Variants in DNAJC21 observed in about 807,000 individuals in gnomAD.
DNAJC21 encodes the protein DnaJ heat shock protein family (Hsp40) member C21, also known as dnaJ homolog subfamily C member 21.
In DNAJC21, 63 loss-of-function variants were observed where a neutral mutation model predicts 72.4. That is an observed-to-expected ratio of 0.87 (90% CI 0.71 to 1.07). The LOEUF is 1.07. Among genes scored for constraint, DNAJC21 ranks in the 50% least tolerant of loss-of-function variants. The pLI, the probability that DNAJC21 is intolerant of heterozygous loss-of-function variation, is 0.00. For missense variants in DNAJC21, 634 were observed against 644.8 expected, an observed-to-expected ratio of 0.98 and a Z score of 0.18; for synonymous variants, 203 against 216.7, an observed-to-expected ratio of 0.94 and a Z score of 0.56.
intron 5 of DNAJC21, 98 bp downstream of exon 5, chr5:34,937,728 C>G: frequency 7.1e-7 from 1 of 1,400,100 alleles, no homozygotes; most frequent in South Asian, 1.4e-5. Flanking sequence ...AGTCATCAGC[C>G]TGGCTTTATC....
At chr5:34,952,730 T>C (rs989585733) in intron 10 of DNAJC21, 1 of 152,138 alleles carries the variant, frequency 6.6e-6, no homozygotes, top group Non-Finnish European at 1.5e-5. Flanking sequence ...GGACATAATT[T>C]TTAAATAAAA....
chr5:34,941,073 T>C (rs187196588), intron 6 of DNAJC21, 23 bp from the exon 7 acceptor site: 536 of 1,601,798 alleles, frequency 3.3e-4, no homozygotes, highest in Admixed American at 5.5e-4. Flanking sequence ...AGAGGGTTCT[T>C]ACTGTAGGCT....
At chr5:34,945,478 G>A (rs574040370) in intron 8 of DNAJC21, among the ~76,000 whole-genome samples, 5 of 152,242 alleles carry the variant, frequency 3.3e-5, no homozygotes, top group East Asian at 3.9e-4. Context: ...GGATACAGAC[G>A]TCAACTATAA....
chr5:34,942,358 T>C (rs1319605355), intron 7 of DNAJC21, among the ~76,000 whole-genome samples: 2 of 151,438 alleles, frequency 1.3e-5, no homozygotes, highest in African/African-American at 4.9e-5. Context: ...CGGGAGAAAA[T>C]GGGAGTAGAA....
At position 34,929,559 on chromosome 5, in the gene DNAJC21, A is replaced by C. The variant is rs976239743; in HGVS notation, c.-261A>C. 1 of 131,992 alleles carries C rather than the reference A, an allele frequency of 7.6e-6. No individual in the cohort carries two copies. The highest frequency in any genetic ancestry group is 3.0e-5 in the African/African-American group (1 of 33,736). 8.2% of individuals were successfully genotyped at this position (131,992 alleles called of 1,614,324 possible). On this transcript the variant is annotated 5_prime_UTR_variant, in exon 1 of 12. The change abolishes an upstream ATG in the 5' untranslated region. Coordinates refer to ENST00000648817, the MANE Select transcript of DNAJC21 (RefSeq NM_001012339.3). ...CCGGCACAGAGCCCACCCCTAGCCC[A>C]TGCGAAGCGGCGGCCGCCGGCACCG...
intron 3 of DNAJC21, 81 bp from the exon 4 acceptor site, chr5:34,936,063 T>A: frequency 6.5e-7 from 1 of 1,539,418 alleles, no homozygotes; most frequent in Non-Finnish European, 8.7e-7. Context: ...ACATTAAAAT[T>A]TTTCATTTTG....
In DNAJC21 at chr5:34,939,007, A is replaced by G. The variant is rs1405244273; in HGVS notation, c.893A>G (p.Asp298Gly). ...GAACATGAACTCAAAGATGAGGAGG[A>G]TGGTAATATTATTTTTATTTTATTT... ...MEEHELKDEEDGKDSDEAEDA... is the reference protein window; with the variant it reads ...MEEHELKDEEGGKDSDEAEDA... Residue 298 changes from aspartate (D) to glycine (G), a missense_variant and splice_region_variant, in exon 6 of 12, where the codon GAT becomes GGT. By Grantham distance (94) the Asp-to-Gly change is moderately conservative. Transcript: ENST00000648817. 6.4e-7 allele frequency: 1 copy of G among 1,573,380 alleles called. No homozygotes were observed. Among genetic ancestry groups the G allele is most frequent in the African/African-American group, 1.4e-5 (1 of 72,880 alleles).
At chr5:34,947,328 G>A (rs975383749) in intron 9 of DNAJC21, among the ~76,000 whole-genome samples, 1 of 152,152 alleles carries the variant, frequency 6.6e-6, no homozygotes, top group Non-Finnish European at 1.5e-5. Context: ...AAAAAAGTAA[G>A]TCCTGAATTT....
chr5:34,940,280 C>G (rs1387930305), intron 6 of DNAJC21, among the ~76,000 whole-genome samples: 2 of 152,124 alleles, frequency 1.3e-5, no homozygotes, highest in Non-Finnish European at 2.9e-5. Flanking sequence ...TATTGAAAGT[C>G]TACAATACCA....
intron 11 of DNAJC21, 58 bp downstream of exon 11, chr5:34,954,059 T>C (rs1181022077): frequency 6.1e-6 from 9 of 1,472,132 alleles, no homozygotes; most frequent in African/African-American, 1.4e-5. Flanking sequence ...AGCAGTATAA[T>C]GATCTAAAGA....
At chr5:34,936,294 T>C (rs762887967) in intron 4 of DNAJC21, 28 bp downstream of exon 4, 5 of 1,598,854 alleles carry the variant, frequency 3.1e-6, no homozygotes, top group Non-Finnish European at 4.3e-6. Flanking sequence ...TGTTCTATAA[T>C]TAGTATTTAT....
chr5:34,941,268 A>T, intron 7 of DNAJC21, 85 bp downstream of exon 7: 1 of 1,227,526 alleles, frequency 8.1e-7, no homozygotes, highest in Non-Finnish European at 1.2e-6. Context: ...CACAGTCATG[A>T]CTCACCACAG....
intron 10 of DNAJC21, chr5:34,952,129 G>A: frequency 1.1e-6 from 1 of 908,384 alleles, no homozygotes; most frequent in African/African-American, 1.8e-5. Flanking sequence ...AAAAATGTGT[G>A]TGTGTGTGTG....
At chr5:34,948,122 A>G (rs1384378214) in intron 9 of DNAJC21, among the ~76,000 whole-genome samples, 1 of 152,204 alleles carries the variant, frequency 6.6e-6, no homozygotes, top group East Asian at 1.9e-4. Context: ...AAATACAAAT[A>G]TAAATTGAGG....
intron 10 of DNAJC21, chr5:34,951,613 C>A: frequency 1.1e-6 from 1 of 950,962 alleles, no homozygotes; most frequent in Non-Finnish European, 1.3e-6. Flanking sequence ...CTGCAACCTC[C>A]GCCTCCTGGG....
chr5:34,932,714 G>T (rs1228897491), intron 1 of DNAJC21, among the ~76,000 whole-genome samples: 1 of 152,198 alleles, frequency 6.6e-6, no homozygotes, highest in Non-Finnish European at 1.5e-5. Context: ...TGTGGTTGTG[G>T]CAGGCCTCAG....
At chr5:34,930,109 C>T (rs374117857) in intron 1 of DNAJC21, 193 bp downstream of exon 1, 145 of 414,556 alleles carry the variant, frequency 3.5e-4, no homozygotes, top group South Asian at 1.1e-3. Context: ...CCTGGCGCAC[C>T]CCGGCTCACA....
In DNAJC21 at chr5:34,954,548, C is replaced by T. The variant is rs1288388068; in HGVS notation, c.1435-5C>T. 2 of 1,597,020 alleles carry T rather than the reference C, an allele frequency of 1.3e-6. No homozygotes were observed. Among genetic ancestry groups the T allele is most frequent in the African/African-American group, 1.4e-5 (1 of 73,952 alleles). On this transcript the variant is annotated splice_polypyrimidine_tract_variant and splice_region_variant and intron_variant, in intron 11 of 11. Coordinates refer to ENST00000648817, the MANE Select transcript of DNAJC21 (RefSeq NM_001012339.3). ...CTTTTATTTATGATTTTTTGCCCTT[C>T]TCAGAGTGTTCTTATCAGCTGTACA...
chr5:34,956,255 TTGA>T lies in DNAJC21; in HGVS notation c.*1546_*1548del, dbSNP rs1765536846. On this transcript the variant is annotated 3_prime_UTR_variant, in exon 12 of 12. Transcript: ENST00000648817. ...TTTTCTGATAGCTTCATGGATAGTATTGATGATCAGATTTCTTCTGTGTTATTG... is the reference window on the plus strand; with the variant it reads ...TTTTCTGATAGCTTCATGGATAGTATTGATCAGATTTCTTCTGTGTTATTG... The T allele has an allele frequency of 2.0e-5, 3 of 152,652 alleles. No individual in the cohort carries two copies. In the South Asian group the frequency reaches 6.2e-4, roughly 32 times the overall value. 9.5% of individuals were successfully genotyped at this position (152,652 alleles called of 1,614,324 possible).
Sources: gnomAD v4.1 joint callset for allele counts (sites outside exome capture counted in the v4.1 genomes callset) on GRCh38, gnomAD v4.1.1 for gene constraint, MANE v1.5 for transcripts, NCBI Gene and HGNC (gene_info 2026-07-23, HGNC 2026-07-21) for gene names.